PKHD1: variants seen among roughly 807,000 people sequenced by gnomAD.
The protein encoded by PKHD1 is PKHD1 ciliary IPT domain containing fibrocystin/polyductin, also known as fibrocystin.
PKHD1 carries 291 observed loss-of-function variants against 412.0 expected under a neutral mutation model. The ratio of observed to expected loss-of-function variants is 0.71; its 90% CI spans 0.64 to 0.78. PKHD1 has a LOEUF of 0.78. Ranked by LOEUF, PKHD1 falls within the 30% of genes least tolerant of loss-of-function variation. The pLI is 0.00. For synonymous variants in PKHD1, 1,777 were observed against 1,821.5 expected, an observed-to-expected ratio of 0.98 and a Z score of 0.62; for missense variants, 4,825 against 4,950.7, an observed-to-expected ratio of 0.97 and a Z score of 0.76.
chr6:51,891,259 G>A lies in PKHD1; in HGVS notation c.6997-4014C>T, dbSNP rs570644357. Among the ~76,000 whole-genome samples, 17 of 152,084 alleles carry A rather than the reference G, an allele frequency of 1.1e-4. No homozygotes were observed. In the South Asian group the frequency reaches 1.2e-3, roughly 11 times the overall value. The stretch of plus-strand genomic sequence containing the variant: ...ATGAAAGGAAAACTTCAGGTTTTGG[G>A]GTTTTGTTTTTTTGTTTGTTTGTTT... On this transcript the variant is annotated intron_variant, in intron 43 of 66. Coordinates refer to ENST00000371117, the MANE Select transcript of PKHD1 (RefSeq NM_138694.4).
At chr6:51,631,180 G>A (rs950419657) in intron 65 of PKHD1, among the ~76,000 whole-genome samples, 5 of 152,054 alleles carry the variant, frequency 3.3e-5, no homozygotes, top group African/African-American at 7.2e-5. Flanking sequence ...CCTACTTCAC[G>A]GGATTACATG....
At chr6:51,626,897 TA>T in intron 66 of PKHD1, 99 bp downstream of exon 66, 2 of 1,282,074 alleles carry the variant, frequency 1.6e-6, no homozygotes, top group Non-Finnish European at 2.3e-6. Flanking sequence ...GAAGGGGCTA[TA>T]AACCAAATTG....
rs772041291 is a variant in PKHD1, at chr6:52,084,954, C to T, written c.-21G>A. 4 of 1,526,248 alleles carry T rather than the reference C, an allele frequency of 2.6e-6. No homozygotes were observed. Among genetic ancestry groups the T allele is most frequent in the Non-Finnish European group, 3.6e-6 (4 of 1,099,968 alleles). 94.5% of individuals were successfully genotyped at this position (1,526,248 alleles called of 1,614,324 possible). On this transcript the variant is annotated 5_prime_UTR_variant, in exon 2 of 67. Transcript: ENST00000371117. The stretch of plus-strand genomic sequence containing the variant: ...GTCATTCTGTCCACTTAAATCAATA[C>T]TCTTAAGATTGCTCAGACATTAAAA...
At chr6:51,752,369 A>G (rs143215186) in intron 57 of PKHD1, among the ~76,000 whole-genome samples, 58 of 152,278 alleles carry the variant, frequency 3.8e-4, no homozygotes, top group African/African-American at 1.4e-3. Flanking sequence ...ATATTGCCAA[A>G]TATCACCTGG....
At chr6:51,635,633 A>AAAGAAAACTAAAGTGAGTTTATAAGAC (rs1364480385) in intron 64 of PKHD1, among the ~76,000 whole-genome samples, 1 of 152,206 alleles carries the variant, frequency 6.6e-6, no homozygotes, top group African/African-American at 2.4e-5. Context: ...ATAAGTGCAT[A>AAAGAAAACTAAAGTGAGTTTATAAGAC]AAGAAAACTA....
At chr6:51,620,706 G>C (rs1046534408) in intron 66 of PKHD1, among the ~76,000 whole-genome samples, 3 of 150,470 alleles carry the variant, frequency 2.0e-5, no homozygotes, top group African/African-American at 7.3e-5. Context: ...GACAGTATTG[G>C]GATAGACAAT....
intron 35 of PKHD1, among the ~76,000 whole-genome samples, chr6:51,977,036 C>T (rs1794552853): frequency 6.6e-6 from 1 of 151,600 alleles, no homozygotes; most frequent in Non-Finnish European, 1.5e-5. Context: ...TAGATCAAAC[C>T]CTCAGATTAA....
At position 52,033,083 on chromosome 6, in the gene PKHD1, G is replaced by A. The variant is rs769085607; in HGVS notation, c.3311C>T (p.Ser1104Phe). 6.2e-7 allele frequency: 1 copy of A among 1,611,776 alleles called. No homozygotes were observed. The change falls in exon 29 of 67, where the codon TCT becomes TTT. Residue 1104 changes from serine (S) to phenylalanine (F), a missense_variant. Transcript: ENST00000371117. The part of the protein sequence containing the change: ...AVLPRAFTYV[S>F]SLNPVIVTLS... ...AGTCACAATAACTGGATTTAAGGAA[G>A]AGACATATGTAAATGCTCTGGGAAG...
Position 51,903,728 on chromosome 6 carries a change from C to A in PKHD1, c.6866-1G>T. 6.2e-7 allele frequency: 1 copy of A among 1,609,188 alleles called. No homozygotes were observed. Among genetic ancestry groups the A allele is most frequent in the South Asian group, 1.1e-5 (1 of 90,960 alleles). ...ATTATATTTCCATGTCCTGACCAGT[C>A]TAATGTTTCAACAAATCCAGGGGAT... On this transcript the variant is annotated splice_acceptor_variant, in intron 42 of 66. Coordinates refer to ENST00000371117, the MANE Select transcript of PKHD1 (RefSeq NM_138694.4). LOFTEE classifies it high-confidence loss of function.
chr6:51,677,882 T>G (rs1314566292), intron 60 of PKHD1, among the ~76,000 whole-genome samples: 1 of 152,178 alleles, frequency 6.6e-6, no homozygotes, highest in Non-Finnish European at 1.5e-5. Flanking sequence ...AAAAAAATCC[T>G]TACTTTTATT....
chr6:51,801,542 A>G (rs1169702767), intron 52 of PKHD1, among the ~76,000 whole-genome samples: 1 of 151,824 alleles, frequency 6.6e-6, no homozygotes, highest in Non-Finnish European at 1.5e-5. Flanking sequence ...TCTTAAAAAT[A>G]GGCAGAAGAG....
intron 5 of PKHD1, among the ~76,000 whole-genome samples, chr6:52,078,075 A>T (rs191094447): frequency 1.4e-4 from 21 of 152,096 alleles, no homozygotes; most frequent in Admixed American, 5.2e-4. Context: ...AAGAGCCACC[A>T]CTCAGTCTAT....
intron 34 of PKHD1, among the ~76,000 whole-genome samples, chr6:52,016,635 C>CAAAAAAAAA (rs10579713): frequency 8.4e-6 from 1 of 118,920 alleles, no homozygotes; most frequent in African/African-American, 3.4e-5. Context: ...GACTCTGTCT[C>CAAAAAAAAA]AAAAAAAAAA....
In PKHD1 at chr6:51,748,338, C is replaced by T. The variant is rs748145662; in HGVS notation, c.9278G>A (p.Gly3093Asp). 6.2e-7 allele frequency: 1 copy of T among 1,614,080 alleles called. No individual in the cohort carries two copies. Among genetic ancestry groups the T allele is most frequent in the Non-Finnish European group, 8.5e-7 (1 of 1,179,966 alleles). ...VNQVKDINLHGNVVAGSERLG... is the reference protein window; with the variant it reads ...VNQVKDINLHDNVVAGSERLG... ...TCTCTCTGATCCTGCCACAACGTTGCCATGGAGGTTGATGTCCTTTACCTG... is the reference window on the plus strand; with the variant it reads ...TCTCTCTGATCCTGCCACAACGTTGTCATGGAGGTTGATGTCCTTTACCTG... The change falls in exon 58 of 67, where the codon GGC becomes GAC. Residue 3093 changes from glycine to aspartate, a missense_variant. Coordinates refer to ENST00000371117, the MANE Select transcript of PKHD1 (RefSeq NM_138694.4).
chr6:51,777,679 GAAAAAAAAAAAAAAAAAAAAAAA>G (rs59379021), intron 53 of PKHD1, among the ~76,000 whole-genome samples: 1 of 118,796 alleles, frequency 8.4e-6, no homozygotes, highest in East Asian at 2.1e-4. Context: ...GAGTCTTTGG[GAAAAAAAAAAAAAAAAAAAAAAA>G]AAAAAAAAAA....
chr6:51,635,146 T>C (rs1163435273), intron 64 of PKHD1, among the ~76,000 whole-genome samples: 1 of 152,114 alleles, frequency 6.6e-6, no homozygotes, highest in Non-Finnish European at 1.5e-5. Context: ...TCCAGGCTAG[T>C]CTTGAACTCC....
intron 21 of PKHD1, among the ~76,000 whole-genome samples, chr6:52,052,718 AG>A (rs1807057986): frequency 6.6e-6 from 1 of 152,186 alleles, no homozygotes; most frequent in African/African-American, 2.4e-5. Context: ...ACCAGTAAGG[AG>A]TACTTTATAT....
At chr6:51,674,587 A>C (rs1437170581) in intron 60 of PKHD1, among the ~76,000 whole-genome samples, 1 of 152,206 alleles carries the variant, frequency 6.6e-6, no homozygotes, top group East Asian at 1.9e-4. Context: ...AGAAGAAAAA[A>C]AGCATATTTC....
intron 60 of PKHD1, among the ~76,000 whole-genome samples, chr6:51,666,303 G>T (rs1405714760): frequency 5.3e-5 from 8 of 151,994 alleles, no homozygotes; most frequent in African/African-American, 1.7e-4. Context: ...CTAGGGAAAG[G>T]TAATACATAT....
Sources: allele counts gnomAD v4.1 joint callset (sites outside exome capture counted in the v4.1 genomes callset), GRCh38; gene constraint gnomAD v4.1.1; transcripts MANE v1.5; gene names NCBI Gene and HGNC (gene_info 2026-07-23, HGNC 2026-07-21).